The following GRM7 variants were observed in gnomAD, a reference collection of about 807,000 sequenced individuals.
The protein encoded by GRM7 is glutamate metabotropic receptor 7, also known as metabotropic glutamate receptor 7.
In GRM7, 35 loss-of-function variants were observed where a neutral mutation model predicts 84.5. The observed-to-expected ratio is 0.41, with a 90% CI of 0.32 to 0.55. The LOEUF is 0.55. GRM7 is among the 20% of genes least tolerant of loss of function. The pLI, the probability that GRM7 is intolerant of heterozygous loss-of-function variation, is 0.19. For missense variants in GRM7, 1,003 were observed against 1,194.6 expected (o/e 0.84, Z 2.36); for synonymous variants, 487 against 455.1 (o/e 1.07, Z -0.89).
intron 2 of GRM7, among the ~76,000 whole-genome samples, chr3:7,182,979 A>T (rs541968481): frequency 6.6e-6 from 1 of 150,416 alleles, no homozygotes; most frequent in South Asian, 2.1e-4. Context: ...TCATAATGCA[A>T]CTCATCACAG....
chr3:7,635,455 T>A (rs1490050491), intron 8 of GRM7, among the ~76,000 whole-genome samples: 1 of 152,182 alleles, frequency 6.6e-6, no homozygotes, highest in Non-Finnish European at 1.5e-5. Context: ...TAAAATGGCA[T>A]CTTTAATTAA....
chr3:7,532,776 A>G (rs1701088508), intron 7 of GRM7, among the ~76,000 whole-genome samples: 1 of 130,728 alleles, frequency 7.6e-6, no homozygotes, highest in Non-Finnish European at 1.6e-5. Context: ...AAGGGGATGG[A>G]GGAATATTTA....
At chr3:7,687,819 T>G (rs1479781425) in intron 9 of GRM7, among the ~76,000 whole-genome samples, 2 of 152,162 alleles carry the variant, frequency 1.3e-5, no homozygotes, top group Non-Finnish European at 2.9e-5. Context: ...ATAAGAGTAC[T>G]TCCAAAGAGT....
rs1694869264 is a variant in GRM7, at chr3:7,168,216, T to A, written c.736+21548T>A. Among the ~76,000 whole-genome samples the A allele has an allele frequency of 2.0e-5, 3 of 152,140 alleles. No individual in the cohort carries two copies. In the South Asian group the frequency reaches 6.2e-4, roughly 31 times the overall value. On this transcript the variant is annotated intron_variant, in intron 2 of 9. Transcript: ENST00000357716. ...ACACTTAGCACAGTGCCTGGTACTT[T>A]GCAAATGTGCAATTATGTTTCAACT...
intron 7 of GRM7, among the ~76,000 whole-genome samples, chr3:7,535,699 A>G (rs1701214715): frequency 6.6e-6 from 1 of 152,226 alleles, no homozygotes; most frequent in South Asian, 2.1e-4. Flanking sequence ...GAGACCAACA[A>G]TTAATATTGC....
At chr3:7,481,911 G>C (rs1292825426) in intron 7 of GRM7, among the ~76,000 whole-genome samples, 1 of 152,202 alleles carries the variant, frequency 6.6e-6, no homozygotes, top group Non-Finnish European at 1.5e-5. Flanking sequence ...ATTTCAGCCG[G>C]GTGCAGTGAC....
chr3:7,194,835 A>G (rs774079531), intron 2 of GRM7, among the ~76,000 whole-genome samples: 1 of 152,152 alleles, frequency 6.6e-6, no homozygotes, highest in Non-Finnish European at 1.5e-5. Flanking sequence ...ATATATAGTA[A>G]GCATTTGTTC....
intron 9 of GRM7, among the ~76,000 whole-genome samples, chr3:7,738,709 A>G (rs943466130): frequency 2.0e-5 from 3 of 150,236 alleles, no homozygotes; most frequent in Non-Finnish European, 4.4e-5. Context: ...GGTCAGTACA[A>G]GCTTCTGGGT....
intron 1 of GRM7, among the ~76,000 whole-genome samples, chr3:6,916,175 T>A (rs1032480916): frequency 6.6e-6 from 1 of 152,148 alleles, no homozygotes; most frequent in African/African-American, 2.4e-5. Context: ...AAAGATACAA[T>A]AATGGGCAAA....
intron 4 of GRM7, among the ~76,000 whole-genome samples, chr3:7,399,640 G>A (rs754469260): frequency 6.6e-5 from 10 of 152,226 alleles, no homozygotes; most frequent in African/African-American, 9.6e-5. Context: ...TCACAGGGGC[G>A]GATCCCTCAT....
chr3:7,365,647 G>GTGTATATATATATATATATA (rs1490998013), intron 4 of GRM7, among the ~76,000 whole-genome samples: 1 of 130,056 alleles, frequency 7.7e-6, no homozygotes, highest in African/African-American at 2.8e-5. Context: ...GTGCGTGTGT[G>GTGTATATATATATATATATA]TATATATATA....
At chr3:7,677,262 TAAAAAAAAA>T (rs557488794) in intron 8 of GRM7, among the ~76,000 whole-genome samples, 4 of 36,984 alleles carry the variant, frequency 1.1e-4, no homozygotes, top group East Asian at 4.7e-4. Flanking sequence ...ACTCTGTCTT[TAAAAAAAAA>T]AAAAAAAAAA....
chr3:7,302,434 T>C (rs1207135282), intron 3 of GRM7, among the ~76,000 whole-genome samples: 3 of 152,190 alleles, frequency 2.0e-5, no homozygotes, highest in Non-Finnish European at 4.4e-5. Context: ...TATACTAAAC[T>C]GAACATACTT....
intron 9 of GRM7, among the ~76,000 whole-genome samples, chr3:7,726,611 CTCTATATATATATATATATATATATATA>C (rs1702137444): frequency 1.4e-5 from 1 of 70,460 alleles, no homozygotes; most frequent in Admixed American, 1.8e-4. Context: ...CTCTCTCTCC[CTCTATATATATATATATATATATATATA>C]TATATATATA....
chr3:7,207,932 T>C (rs1559502798), intron 2 of GRM7, among the ~76,000 whole-genome samples: 1 of 152,240 alleles, frequency 6.6e-6, no homozygotes. Flanking sequence ...CAAACTTGTT[T>C]CTTTTTAAAT....
intron 1 of GRM7, among the ~76,000 whole-genome samples, chr3:7,110,581 C>A (rs377264384): frequency 1.4e-5 from 2 of 139,096 alleles, no homozygotes; most frequent in South Asian, 2.5e-4. Flanking sequence ...GGCAAGAGAG[C>A]GATACTCTGT....
At chr3:6,966,489 G>A (rs1205748697) in intron 1 of GRM7, among the ~76,000 whole-genome samples, 1 of 152,186 alleles carries the variant, frequency 6.6e-6, no homozygotes, top group East Asian at 1.9e-4. Context: ...TATTCTTAGA[G>A]AGCAGAAACA....
intron 4 of GRM7, among the ~76,000 whole-genome samples, chr3:7,358,026 C>T (rs35796961): frequency 2.0e-5 from 3 of 152,060 alleles, no homozygotes; most frequent in African/African-American, 7.2e-5. Context: ...TAATATTTTG[C>T]TACTTCCCTC....
At chr3:7,363,437 T>C (rs893606422) in intron 4 of GRM7, among the ~76,000 whole-genome samples, 3 of 152,140 alleles carry the variant, frequency 2.0e-5, no homozygotes, top group African/African-American at 4.8e-5. Flanking sequence ...GAGCAGGTCA[T>C]GCAGTATAAC....
Sources: allele counts gnomAD v4.1 joint callset (sites outside exome capture counted in the v4.1 genomes callset), GRCh38; gene constraint gnomAD v4.1.1; transcripts MANE v1.5; gene names NCBI Gene and HGNC (gene_info 2026-07-23, HGNC 2026-07-21).